SIPA1L1: variants seen among roughly 807,000 people sequenced by gnomAD.
The protein encoded by SIPA1L1 is signal-induced proliferation-associated 1-like protein 1.
SIPA1L1 carries 26 observed loss-of-function variants against 162.7 expected under a neutral mutation model. That is an observed-to-expected ratio of 0.16 (90% CI 0.12 to 0.22). The LOEUF (loss-of-function observed/expected upper bound fraction) is 0.22. Among genes scored for constraint, SIPA1L1 ranks in the 10% least tolerant of loss-of-function variants. The pLI, the probability that SIPA1L1 is intolerant of heterozygous loss-of-function variation, is 1.00. For missense variants in SIPA1L1, 1,874 were observed against 2,241.0 expected (o/e 0.84, Z 3.31); for synonymous variants, 829 against 837.4 (o/e 0.99, Z 0.17).
At chr14:71,490,014 G>T (rs2049110193) in intron 2 of SIPA1L1, among the ~76,000 whole-genome samples, 1 of 152,176 alleles carries the variant, frequency 6.6e-6, no homozygotes, top group Non-Finnish European at 1.5e-5. Flanking sequence ...ACAAGTCTAA[G>T]GTTTACATAG....
intron 2 of SIPA1L1, among the ~76,000 whole-genome samples, chr14:71,482,892 C>T (rs563787630): frequency 6.6e-6 from 1 of 152,242 alleles, no homozygotes; most frequent in African/African-American, 2.4e-5. Flanking sequence ...ATATTTGTGC[C>T]TAGATGTTCA....
chr14:71,389,172 C>T (rs117080981), intron 2 of SIPA1L1, among the ~76,000 whole-genome samples: 493 of 152,278 alleles, frequency 3.2e-3, no homozygotes, highest in Non-Finnish European at 6.1e-3. Flanking sequence ...TGAGATAGGG[C>T]TGGTTCCTCT....
chr14:71,537,698 C>CT (rs938082111), intron 4 of SIPA1L1, among the ~76,000 whole-genome samples: 3,362 of 147,324 alleles, frequency 0.023, 120 homozygotes, highest in African/African-American at 0.077. Context: ...CTCTCTCTCT[C>CT]TTTTTTTTTT....
At chr14:71,533,102 G>A (rs561676527) in intron 4 of SIPA1L1, among the ~76,000 whole-genome samples, 3 of 152,294 alleles carry the variant, frequency 2.0e-5, no homozygotes, top group East Asian at 1.9e-4. Context: ...ATGTTGGGTC[G>A]TAGACTTATT....
intron 7 of SIPA1L1, among the ~76,000 whole-genome samples, chr14:71,637,401 CTA>C (rs1334174381): frequency 6.6e-6 from 1 of 151,980 alleles, no homozygotes; most frequent in Non-Finnish European, 1.5e-5. Context: ...TATTTTATAA[CTA>C]GTTGTTAATT....
chr14:71,699,167 G>A, intron 14 of SIPA1L1, 40 bp downstream of exon 14: 1 of 1,598,596 alleles, frequency 6.3e-7, no homozygotes, highest in East Asian at 2.2e-5. Flanking sequence ...GTCCCTGTTG[G>A]CATCATTTCT....
intron 2 of SIPA1L1, among the ~76,000 whole-genome samples, chr14:71,434,681 C>G (rs1219461967): frequency 6.6e-6 from 1 of 152,094 alleles, no homozygotes. Flanking sequence ...TGGGCTCAAG[C>G]GATCCTCCCA....
chr14:71,567,323 GTTTT>G (rs778887965), intron 4 of SIPA1L1, among the ~76,000 whole-genome samples: 11 of 152,278 alleles, frequency 7.2e-5, no homozygotes, highest in Admixed American at 3.9e-4. Context: ...TCCTATCATT[GTTTT>G]TAATAGCAAA....
chr14:71,499,598 T>C (rs2050046064), intron 2 of SIPA1L1, among the ~76,000 whole-genome samples: 1 of 152,176 alleles, frequency 6.6e-6, no homozygotes, highest in Admixed American at 6.5e-5. Flanking sequence ...TTTTCCTCAG[T>C]TATTTTTGGT....
At chr14:71,504,331 C>G (rs142478834) in intron 2 of SIPA1L1, among the ~76,000 whole-genome samples, 19 of 152,192 alleles carry the variant, frequency 1.2e-4, no homozygotes, top group South Asian at 2.1e-4. Context: ...ATAAACGTTA[C>G]TGAATCAGAA....
chr14:71,490,941 C>A (rs1235825806), intron 2 of SIPA1L1, among the ~76,000 whole-genome samples: 1 of 152,128 alleles, frequency 6.6e-6, no homozygotes, highest in Admixed American at 6.5e-5. Flanking sequence ...GATGCCTGTT[C>A]CTGATACTGG....
intron 2 of SIPA1L1, among the ~76,000 whole-genome samples, chr14:71,510,360 G>C (rs1222503950): frequency 6.6e-6 from 1 of 151,334 alleles, no homozygotes; most frequent in African/African-American, 2.4e-5. Context: ...CTAATTTTTT[G>C]TATTTTTAGT....
intron 2 of SIPA1L1, among the ~76,000 whole-genome samples, chr14:71,437,929 C>T (rs2044524503): frequency 6.6e-6 from 1 of 152,110 alleles, no homozygotes; most frequent in Non-Finnish European, 1.5e-5. Flanking sequence ...CAGGCATGTA[C>T]CGTAACTCTT....
intron 2 of SIPA1L1, among the ~76,000 whole-genome samples, chr14:71,396,167 C>T (rs1325584126): frequency 6.6e-6 from 1 of 152,168 alleles, no homozygotes; most frequent in African/African-American, 2.4e-5. Flanking sequence ...TCCATTTATG[C>T]ATGCATCTAG....
At chr14:71,326,472 C>G (rs8007271) in intron 2 of SIPA1L1, among the ~76,000 whole-genome samples, 88,260 of 151,574 alleles carry the variant, frequency 0.58, 26,384 homozygotes, top group East Asian at 0.77. Flanking sequence ...GCCTCCCAAA[C>G]TGCTGGGATT....
At chr14:71,513,407 T>A (rs2051366293) in intron 3 of SIPA1L1, among the ~76,000 whole-genome samples, 1 of 152,104 alleles carries the variant, frequency 6.6e-6, no homozygotes. Flanking sequence ...CCAGAGTGTG[T>A]GTGTTTATAA....
Position 71,709,539 on chromosome 14 carries a change from C to T in SIPA1L1, c.4083C>T (p.His1361=), listed in dbSNP as rs144426743. The T allele has an allele frequency of 3.0e-5, 48 of 1,614,046 alleles. No homozygotes were observed. The highest frequency in any genetic ancestry group is 8.9e-5 in the East Asian group (4 of 44,894). Reference sequence around the variant, plus strand: ...ATCGGACTTTGGAGACAGAGAGCCACGGCCTGGACCGGAAAACAGAGTCTT... The same window carrying T: ...ATCGGACTTTGGAGACAGAGAGCCATGGCCTGGACCGGAAAACAGAGTCTT... ...MADRTLETES[H]GLDRKTESSL... The change falls in exon 17 of 24, where the codon CAC becomes CAT. Residue 1361 remains histidine, a synonymous_variant. Coordinates refer to ENST00000381232, the MANE Select transcript of SIPA1L1 (RefSeq NM_001386936.1).
At chr14:71,485,926 CT>C (rs2048718848) in intron 2 of SIPA1L1, among the ~76,000 whole-genome samples, 2 of 152,150 alleles carry the variant, frequency 1.3e-5, no homozygotes, top group Non-Finnish European at 2.9e-5. Flanking sequence ...ATTTCCCCCC[CT>C]ACATTGCCTA....
intron 2 of SIPA1L1, among the ~76,000 whole-genome samples, chr14:71,464,873 C>A (rs1193257044): frequency 6.6e-6 from 1 of 152,176 alleles, no homozygotes; most frequent in Non-Finnish European, 1.5e-5. Context: ...AACCTCACTT[C>A]TAGGGGCCCG....
Sources: allele counts gnomAD v4.1 joint callset (sites outside exome capture counted in the v4.1 genomes callset), GRCh38; gene constraint gnomAD v4.1.1; transcripts MANE v1.5; gene names NCBI Gene and HGNC (gene_info 2026-07-23, HGNC 2026-07-21).